AASDH: variants seen among roughly 807,000 people sequenced by gnomAD.
The protein encoded by AASDH is aminoadipate-semialdehyde dehydrogenase.
A neutral mutation model predicts 102.3 loss-of-function variants in AASDH; 81 were observed. The ratio of observed to expected loss-of-function variants is 0.79; its 90% CI spans 0.66 to 0.95. The LOEUF is 0.95. Ranked by LOEUF, AASDH falls within the 40% of genes least tolerant of loss-of-function variation. AASDH has a pLI of 0.00. For synonymous variants in AASDH, 398 were observed against 454.0 expected (o/e 0.88, Z 1.57); for missense variants, 1,203 against 1,266.2 (o/e 0.95, Z 0.76).
chr4:56,366,375 C>T (rs1036959661), intron 5 of AASDH, among the ~76,000 whole-genome samples: 2 of 152,164 alleles, frequency 1.3e-5, no homozygotes, highest in Non-Finnish European at 2.9e-5. Context: ...TTTTATGAGG[C>T]CAGCATCATC....
chr4:56,384,386 G>T, intron 1 of AASDH, 45 bp from the exon 2 acceptor site: 2 of 1,112,578 alleles, frequency 1.8e-6, no homozygotes, highest in Middle Eastern at 2.0e-4. Context: ...GTTTTAGAGA[G>T]CTCGGTGGAG....
chr4:56,345,243 T>C lies in AASDH; in HGVS notation c.2536A>G (p.Lys846Glu). Residue 846 changes from lysine to glutamate, a missense_variant, in exon 12 of 15, where the codon AAA becomes GAA. By Grantham distance (56) the Lys-to-Glu change is moderately conservative. Coordinates refer to ENST00000205214, the MANE Select transcript of AASDH (RefSeq NM_181806.4). ...VYVLKSNSGE[K>E]YWMFTTEDAV... ...TCTTCAGTAGTAAACATCCAGTATTTTTCTCCACTATTACTTTTCAGAACA... is the reference window on the plus strand; with the variant it reads ...TCTTCAGTAGTAAACATCCAGTATTCTTCTCCACTATTACTTTTCAGAACA... The C allele has an allele frequency of 2.5e-6, 4 of 1,613,956 alleles. No individual in the cohort carries two copies. The highest frequency in any genetic ancestry group is 2.5e-6 in the Non-Finnish European group (3 of 1,179,828).
intron 2 of AASDH, 123 bp from the exon 3 acceptor site, chr4:56,382,720 C>A (rs1320183680): frequency 9.2e-7 from 1 of 1,092,062 alleles, no homozygotes; most frequent in Non-Finnish European, 1.3e-6. Flanking sequence ...TTCCGGAGCA[C>A]TTTATTGCTG....
intron 3 of AASDH, among the ~76,000 whole-genome samples, chr4:56,379,331 C>A (rs1027836602): frequency 6.6e-6 from 1 of 152,092 alleles, no homozygotes; most frequent in Non-Finnish European, 1.5e-5. Context: ...CGATGTCTCA[C>A]TATGTTACCC....
chr4:56,350,226 G>A lies in AASDH; in HGVS notation c.1693-168C>T, dbSNP rs773854511. Among the ~76,000 whole-genome samples the A allele has an allele frequency of 5.3e-5, 8 of 152,308 alleles. No individual in the cohort carries two copies. In the South Asian group the frequency reaches 1.2e-3, roughly 24 times the overall value. On this transcript the variant is annotated intron_variant, in intron 10 of 14. Coordinates refer to ENST00000205214, the MANE Select transcript of AASDH (RefSeq NM_181806.4). ...TCCCAGTACTCTGGGAGGCCAAGGC[G>A]GGCAGATCACATGAGGTCAGGAGTT...
At chr4:56,383,387 G>C (rs1037366274) in intron 2 of AASDH, among the ~76,000 whole-genome samples, 6 of 152,104 alleles carry the variant, frequency 3.9e-5, no homozygotes, top group Admixed American at 2.6e-4. Context: ...AAAGTGCTGG[G>C]ATTTACAGGT....
chr4:56,339,557 C>G (rs932365169), intron 14 of AASDH, among the ~76,000 whole-genome samples: 1 of 151,808 alleles, frequency 6.6e-6, no homozygotes, highest in Non-Finnish European at 1.5e-5. Flanking sequence ...TCAAGACCAG[C>G]TTGGCCAACA....
Position 56,349,401 on chromosome 4 carries a change from T to C in AASDH, c.2350A>G (p.Thr784Ala), listed in dbSNP as rs201914036. The change falls in exon 11 of 15, where the codon ACT (threonine) becomes GCT (alanine). Residue 784 changes from threonine to alanine, a missense_variant. Physicochemically the swap from Thr to Ala is moderately conservative, Grantham distance 58 (BLOSUM62 0). Transcript: ENST00000205214. ...VIPTFDKSST[T>A]VYIGSHSHRM... ...TGAGAATGGGAACCAATGTACACAG[T>C]TGTAGATGACTTATCAAAAGTGGGT... 111 of 1,614,080 alleles carry C rather than the reference T, an allele frequency of 6.9e-5. No individual in the cohort carries two copies. Among genetic ancestry groups the C allele is most frequent in the Non-Finnish European group, 1.0e-5 (12 of 1,180,044 alleles).
intron 1 of AASDH, among the ~76,000 whole-genome samples, chr4:56,384,854 AC>A (rs1302686041): frequency 6.6e-6 from 1 of 152,166 alleles, no homozygotes; most frequent in African/African-American, 2.4e-5. Context: ...TGGGTGGATC[AC>A]TTGAGGTCAG....
intron 3 of AASDH, 34 bp downstream of exon 3, chr4:56,382,443 A>T (rs367785979): frequency 1.4e-4 from 210 of 1,501,096 alleles, no homozygotes; most frequent in Non-Finnish European, 1.8e-4. Flanking sequence ...TAAATGTAAT[A>T]CAGGCAAAAA....
chr4:56,360,361 G>A (rs1253534219), intron 5 of AASDH, among the ~76,000 whole-genome samples: 1 of 152,152 alleles, frequency 6.6e-6, no homozygotes, highest in Non-Finnish European at 1.5e-5. Flanking sequence ...CTCCCTACTG[G>A]CCTACTTCAA....
intron 5 of AASDH, chr4:56,356,350 G>T: frequency 5.1e-6 from 8 of 1,579,520 alleles, no homozygotes; most frequent in Non-Finnish European, 6.9e-6. Context: ...CTCAATAAGC[G>T]GCTGAAAGTG....
chr4:56,348,258 C>CTT (rs60619979), intron 11 of AASDH, among the ~76,000 whole-genome samples: 11 of 145,578 alleles, frequency 7.6e-5, no homozygotes, highest in South Asian at 4.3e-4. Context: ...GAGTTATGCA[C>CTT]TTTTTTTTTT....
In AASDH at chr4:56,349,818, T is replaced by TTG; in HGVS notation, c.1931_1932dup (p.Lys645GlnfsTer24). 1 of 1,614,200 alleles carries TTG rather than the reference T, an allele frequency of 6.2e-7. No individual in the cohort carries two copies. The highest frequency in any genetic ancestry group is 8.5e-7 in the Non-Finnish European group (1 of 1,180,024). On this transcript the variant is annotated frameshift_variant, in exon 11 of 15. Coordinates refer to ENST00000205214, the MANE Select transcript of AASDH (RefSeq NM_181806.4). LOFTEE classifies it high-confidence loss of function. ...TGATTAATGTCGCTGAGTTTCCTTT[T>TTG]TGTGGCACAACTCTTCCTGAATGTC...
chr4:56,382,309 C>G, intron 3 of AASDH, 168 bp downstream of exon 3: 1 of 625,660 alleles, frequency 1.6e-6, no homozygotes, highest in Non-Finnish European at 2.6e-6. Context: ...CTATAATATA[C>G]GGAACACTCC....
At position 56,384,109 on chromosome 4, in the gene AASDH, T is replaced by C. The variant is rs762119797; in HGVS notation, c.191A>G (p.Tyr64Cys). The C allele has an allele frequency of 1.2e-6, 2 of 1,614,188 alleles. No individual in the cohort carries two copies. The highest frequency in any genetic ancestry group is 1.7e-6 in the Non-Finnish European group (2 of 1,180,014). The change falls in exon 2 of 15, where the codon TAC becomes TGC. Residue 64 changes from tyrosine to cysteine, a missense_variant. Coordinates refer to ENST00000205214, the MANE Select transcript of AASDH (RefSeq NM_181806.4). The part of the protein sequence containing the change: ...DFQGIREIGL[Y>C]CQPGIDLPSW... ...GGGTAAGTCTATCCCAGGTTGGCAG[T>C]AGAGACCAATTTCCCGAATTCCTTG... is the stretch of plus-strand genomic sequence containing the variant.
intron 4 of AASDH, among the ~76,000 whole-genome samples, chr4:56,375,769 A>T (rs1393165041): frequency 6.6e-6 from 1 of 152,114 alleles, no homozygotes; most frequent in African/African-American, 2.4e-5. Flanking sequence ...TGCTTCATAC[A>T]AAAGTTAAAA....
In AASDH at chr4:56,350,129, A is replaced by G. The variant is rs532675976; in HGVS notation, c.1693-71T>C. ...GCAAAAGACTTCAACATTTACAGGT[A>G]ATATATAGAGATGAGAGTACCTACA... On this transcript the variant is annotated intron_variant, in intron 10 of 14. Coordinates refer to ENST00000205214, the MANE Select transcript of AASDH (RefSeq NM_181806.4). 12 of 1,253,598 alleles carry G rather than the reference A, an allele frequency of 9.6e-6. No individual in the cohort carries two copies. The East Asian group carries it at 3.0e-4, about 31-fold the overall frequency. 77.7% of individuals were successfully genotyped at this position (1,253,598 alleles called of 1,614,324 possible). A position where few individuals can be genotyped will look rare whatever the true frequency, so the allele number is the denominator to read the frequency against.
intron 10 of AASDH, among the ~76,000 whole-genome samples, chr4:56,350,508 A>C (rs1419789546): frequency 1.3e-5 from 2 of 151,184 alleles, no homozygotes; most frequent in African/African-American, 2.4e-5. Flanking sequence ...TTTTAATAAT[A>C]AAAATAAAGT....
Sources: allele counts gnomAD v4.1 joint callset (sites outside exome capture counted in the v4.1 genomes callset), GRCh38; gene constraint gnomAD v4.1.1; transcripts MANE v1.5; gene names NCBI Gene and HGNC (gene_info 2026-07-23, HGNC 2026-07-21).